RBL2: variants seen among roughly 807,000 people sequenced by gnomAD.
RBL2 encodes the protein retinoblastoma-like protein 2.
A neutral mutation model predicts 126.0 loss-of-function variants in RBL2; 56 were observed. That is an observed-to-expected ratio of 0.44 (90% CI 0.36 to 0.56). The LOEUF is 0.56. Among genes scored for constraint, RBL2 ranks in the 20% least tolerant of loss-of-function variants. The probability of loss-of-function intolerance (pLI) is 0.00; values close to 1 mark genes in which losing one functional copy is unlikely to be tolerated. For synonymous variants in RBL2, 454 were observed against 478.5 expected (o/e 0.95, Z 0.67); for missense variants, 1,229 against 1,398.2 (o/e 0.88, Z 1.93).
rs1555566426 is a variant in RBL2 at position 53,457,258 on chromosome 16, C to CCTTTTTTTTTTTTTTTTTTTTTT, written c.1180-2193_1180-2192insCTTTTTTTTTTTTTTTTTTTTTT. Among the ~76,000 whole-genome samples the CCTTTTTTTTTTTTTTTTTTTTTT allele has an allele frequency of 4.1e-3, 371 of 89,894 alleles. 47 individuals carry two copies. The highest frequency in any genetic ancestry group is 8.5e-3 in the South Asian group (21 of 2,470). 59.0% of individuals were successfully genotyped at this position (89,894 alleles called of 152,430 possible). ...GGGTCATCAGGGTGGGTACAGATAG[C>CCTTTTTTTTTTTTTTTTTTTTTT]TTTTTTTTTTTTTTTTTTTGAGATG... is the stretch of plus-strand genomic sequence containing the variant. On this transcript the variant is annotated intron_variant, in intron 8 of 21. Transcript: ENST00000262133.
At chr16:53,449,169 T>G (rs1238308646) in intron 4 of RBL2, 1 of 152,240 alleles carries the variant, frequency 6.6e-6, no homozygotes, top group Non-Finnish European at 1.5e-5. Flanking sequence ...ACTGCTATTA[T>G]GTATGATGGT....
At chr16:53,445,526 C>T (rs1233396470) in intron 3 of RBL2, among the ~76,000 whole-genome samples, 1 of 152,110 alleles carries the variant, frequency 6.6e-6, no homozygotes, top group Non-Finnish European at 1.5e-5. Flanking sequence ...GATACTCATA[C>T]TATTGTTAGA....
intron 15 of RBL2, 38 bp from the exon 16 acceptor site, chr16:53,470,345 A>G (rs776510946): frequency 5.0e-6 from 8 of 1,599,684 alleles, no homozygotes; most frequent in Non-Finnish European, 6.8e-6. Flanking sequence ...ACCTCTTATT[A>G]TCAACATTTT....
At chr16:53,459,714 A>T (rs540742779) in intron 9 of RBL2, 97 bp downstream of exon 9, 1 of 1,224,230 alleles carries the variant, frequency 8.2e-7, no homozygotes, top group East Asian at 2.6e-5. Flanking sequence ...ACCCATGAAT[A>T]ATTTTTTATC....
In RBL2 at chr16:53,490,376, T is replaced by A. The variant is rs561445568; in HGVS notation, c.*76T>A. ...TTAATGCATCTAGATTATGGAGCTT[T>A]TTTCCTTAATCCAGCTGATGAGTTA... is the stretch of plus-strand genomic sequence containing the variant. On this transcript the variant is annotated 3_prime_UTR_variant, in exon 22 of 22. Transcript: ENST00000262133. The A allele has an allele frequency of 7.5e-7, 1 of 1,336,330 alleles. No homozygotes were observed. The highest frequency in any genetic ancestry group is 2.4e-5 in the East Asian group (1 of 41,196). 82.8% of individuals were successfully genotyped at this position (1,336,330 alleles called of 1,614,324 possible). A position where few individuals can be genotyped will look rare whatever the true frequency, so the allele number is the denominator to read the frequency against.
chr16:53,484,941 C>CA (rs375260956), intron 21 of RBL2, among the ~76,000 whole-genome samples: 2 of 149,980 alleles, frequency 1.3e-5, no homozygotes, highest in African/African-American at 2.5e-5. Flanking sequence ...GATTTCAGAG[C>CA]AAAAAATATT....
intron 17 of RBL2, among the ~76,000 whole-genome samples, chr16:53,477,735 C>G (rs80083782): frequency 1.4e-3 from 216 of 152,152 alleles, no homozygotes; most frequent in Non-Finnish European, 2.4e-3. Flanking sequence ...CTGCCTACCT[C>G]CTTTGTACTG....
intron 10 of RBL2, among the ~76,000 whole-genome samples, chr16:53,462,092 T>G (rs2058227173): frequency 6.6e-6 from 1 of 151,982 alleles, no homozygotes; most frequent in South Asian, 2.1e-4. Context: ...AATCTTTAGG[T>G]TTTTTTTGTA....
chr16:53,479,109 G>T, intron 17 of RBL2, 45 bp from the exon 18 acceptor site: 1 of 1,455,222 alleles, frequency 6.9e-7, no homozygotes, highest in Middle Eastern at 1.7e-4. Flanking sequence ...ACACTATTAT[G>T]GTGGTAGTTG....
At chr16:53,438,611 AGGC>A (rs1317507440) in intron 1 of RBL2, among the ~76,000 whole-genome samples, 1 of 152,106 alleles carries the variant, frequency 6.6e-6, no homozygotes, top group Admixed American at 6.5e-5. Flanking sequence ...TGGAAGGCCA[AGGC>A]GGATGGATCA....
intron 9 of RBL2, among the ~76,000 whole-genome samples, chr16:53,461,447 GCATCACTGCATTC>G (rs1348983571): frequency 6.6e-6 from 1 of 151,994 alleles, no homozygotes; most frequent in Non-Finnish European, 1.5e-5. Flanking sequence ...AGCCAAGACT[GCATCACTGCATTC>G]CATCCTGGGT....
Position 53,480,637 on chromosome 16 carries a change from T to C in RBL2, c.2952T>C (p.Pro984=). ...TLPVPQPSSA[P]PTPTRLTGAN... Reference sequence around the variant, plus strand: ...CAGTTCCACAGCCCAGCAGTGCTCCTCCCACACCTACTCGCCTCACAGGTG... The same window carrying C: ...CAGTTCCACAGCCCAGCAGTGCTCCCCCCACACCTACTCGCCTCACAGGTG... The change falls in exon 20 of 22, where the codon CCT becomes CCC. Residue 984 remains proline (P), a synonymous_variant. Coordinates refer to ENST00000262133, the MANE Select transcript of RBL2 (RefSeq NM_005611.4). The C allele has an allele frequency of 1.9e-6, 3 of 1,613,996 alleles. No individual in the cohort carries two copies. The highest frequency in any genetic ancestry group is 2.7e-5 in the African/African-American group (2 of 74,988).
intron 11 of RBL2, among the ~76,000 whole-genome samples, 181 bp downstream of exon 11, chr16:53,462,836 T>A (rs977710184): frequency 2.6e-5 from 4 of 152,204 alleles, no homozygotes; most frequent in Non-Finnish European, 5.9e-5. Flanking sequence ...TATGTATGTA[T>A]GTATGTATGT....
chr16:53,454,308 G>T (rs1242455903), intron 7 of RBL2: 4 of 422,416 alleles, frequency 9.5e-6, no homozygotes, highest in African/African-American at 2.1e-5. Flanking sequence ...AGGTTCAAGC[G>T]ATTCTTCTGC....
chr16:53,489,206 T>G (rs1257140668), intron 21 of RBL2: 1 of 152,190 alleles, frequency 6.6e-6, no homozygotes, highest in Admixed American at 6.5e-5. Context: ...GGGATTTGTT[T>G]TAAAATAATC....
At chr16:53,451,681 G>T (rs930432323) in intron 4 of RBL2, 22 bp from the exon 5 acceptor site, 2 of 1,610,378 alleles carry the variant, frequency 1.2e-6, no homozygotes, top group East Asian at 4.5e-5. Context: ...ATTTAACTCT[G>T]TAACTGCTTA....
intron 1 of RBL2, chr16:53,435,564 T>C (rs2057950735): frequency 8.2e-7 from 1 of 1,219,224 alleles, no homozygotes. Context: ...GAGTGTCAGC[T>C]TTGTATGCAC....
chr16:53,468,866 T>G (rs1281504629), intron 14 of RBL2, among the ~76,000 whole-genome samples: 2 of 152,188 alleles, frequency 1.3e-5, no homozygotes, highest in Non-Finnish European at 2.9e-5. Context: ...TACTTAAAAA[T>G]AGACTAAGCC....
At chr16:53,461,969 T>C (rs2058225803) in intron 10 of RBL2, 119 bp downstream of exon 10, 1 of 827,732 alleles carries the variant, frequency 1.2e-6, no homozygotes, top group Admixed American at 3.1e-5. Context: ...GGCTAGGATA[T>C]GGCTGTCCAA....
Sources: allele counts gnomAD v4.1 joint callset (sites outside exome capture counted in the v4.1 genomes callset), GRCh38; gene constraint gnomAD v4.1.1; transcripts MANE v1.5; gene names NCBI Gene and HGNC (gene_info 2026-07-23, HGNC 2026-07-21).